CRTAM: variants seen among roughly 807,000 people sequenced by gnomAD.
The protein encoded by CRTAM is cytotoxic and regulatory T-cell molecule.
Under a neutral mutation model 50.0 loss-of-function variants are expected in CRTAM, and 44 were observed. The ratio of observed to expected loss-of-function variants is 0.88; its 90% CI spans 0.69 to 1.13. The LOEUF (loss-of-function observed/expected upper bound fraction) is 1.13, where lower values mean the gene tolerates loss of function less well. Among genes scored for constraint, CRTAM ranks in the 50% most tolerant of loss-of-function variants. The pLI is 0.00. For missense variants in CRTAM, 448 were observed against 457.5 expected (o/e 0.98, Z 0.19); for synonymous variants, 159 against 169.3 (o/e 0.94, Z 0.47).
chr11:122,852,353 G>A (rs781350875), intron 3 of CRTAM, among the ~76,000 whole-genome samples: 3 of 152,194 alleles, frequency 2.0e-5, no homozygotes, highest in Non-Finnish European at 4.4e-5. Context: ...GGGCGGGATT[G>A]GGAGGTGCGG....
At chr11:122,839,534 A>G (rs1380149302) in intron 1 of CRTAM, among the ~76,000 whole-genome samples, 1 of 152,210 alleles carries the variant, frequency 6.6e-6, no homozygotes, top group Non-Finnish European at 1.5e-5. Context: ...TTTAGTGCTT[A>G]ATCCTAATGT....
chr11:122,842,267 A>ATGTTTGTT (rs60959162), intron 1 of CRTAM, among the ~76,000 whole-genome samples: 4 of 151,932 alleles, frequency 2.6e-5, no homozygotes, highest in East Asian at 1.9e-4. Flanking sequence ...CATGGGTTAT[A>ATGTTTGTT]TGTTTGTTTG....
At chr11:122,866,212 G>A (rs1414543205) in intron 7 of CRTAM, among the ~76,000 whole-genome samples, 2 of 151,830 alleles carry the variant, frequency 1.3e-5, no homozygotes, top group Admixed American at 6.6e-5. Flanking sequence ...CTTTTCAATC[G>A]CCCTGCCCTT....
intron 1 of CRTAM, 99 bp downstream of exon 1, chr11:122,838,691 T>C (rs1861761721): frequency 2.7e-6 from 3 of 1,124,510 alleles, no homozygotes; most frequent in African/African-American, 3.0e-5. Context: ...GGAGCTGCTG[T>C]AGAAGACAAC....
chr11:122,865,879 C>A (rs1251024643), intron 7 of CRTAM, among the ~76,000 whole-genome samples: 2 of 152,172 alleles, frequency 1.3e-5, no homozygotes, highest in South Asian at 4.1e-4. Context: ...TAAAATCAGT[C>A]AATTTCCAAG....
At chr11:122,860,677 A>G (rs904377984) in intron 5 of CRTAM, among the ~76,000 whole-genome samples, 2 of 152,158 alleles carry the variant, frequency 1.3e-5, no homozygotes, top group African/African-American at 4.8e-5. Context: ...GATAAATTTT[A>G]TTCTATATGT....
intron 5 of CRTAM, among the ~76,000 whole-genome samples, chr11:122,858,519 C>T (rs932955345): frequency 9.2e-5 from 14 of 152,154 alleles, no homozygotes; most frequent in African/African-American, 3.4e-4. Flanking sequence ...CATGAACCAC[C>T]ACACCTGGCT....
rs58611588 is a variant in CRTAM at position 122,864,850 on chromosome 11, T to C, written c.817+131T>C. ...CTTTAGGACATGATTGGTTAATCAC[T>C]CCCTTGTCCCTCCTTGATTTAGTTA... On this transcript the variant is annotated intron_variant, in intron 7 of 9. Transcript: ENST00000227348. 4,770 of 639,338 alleles carry C rather than the reference T, an allele frequency of 7.5e-3. 146 individuals are homozygous for C. Among genetic ancestry groups the C allele is most frequent in the South Asian group, 0.053 (2,707 of 51,296 alleles). The allele number at this position is 639,338 out of a possible 1,614,324, so 39.6% of individuals were successfully genotyped here. A position where few individuals can be genotyped will look rare whatever the true frequency, so the allele number is the denominator to read the frequency against.
chr11:122,842,707 C>T (rs1181394531), intron 1 of CRTAM, among the ~76,000 whole-genome samples: 4 of 152,144 alleles, frequency 2.6e-5, no homozygotes, highest in African/African-American at 9.7e-5. Flanking sequence ...ACTAAGGCAG[C>T]AATAATAGTG....
chr11:122,863,321 A>AAAAGAAAGAAAGAAAG (rs137934573), intron 6 of CRTAM, among the ~76,000 whole-genome samples: 12 of 103,648 alleles, frequency 1.2e-4, no homozygotes, highest in East Asian at 6.5e-4. Flanking sequence ...GAAAGAAAGA[A>AAAAGAAAGAAAGAAAG]AAAGAAAGAA....
intron 9 of CRTAM, among the ~76,000 whole-genome samples, chr11:122,870,307 C>G (rs192450463): frequency 5.9e-5 from 9 of 152,132 alleles, no homozygotes; most frequent in East Asian, 1.9e-4. Context: ...TCTTGAACTC[C>G]TGGACTCAAG....
At position 122,850,095 on chromosome 11, in the gene CRTAM, C is replaced by T; in HGVS notation, c.74C>T (p.Thr25Ile). Residue 25 changes from threonine (T) to isoleucine (I), a missense_variant, in exon 2 of 10, where the codon ACC (threonine) becomes ATC (isoleucine). Coordinates refer to ENST00000227348, the MANE Select transcript of CRTAM (RefSeq NM_019604.4). ...QEASLTNHTE[T>I]ITVEEGQTLT... ...GCCTCTCTGACTAACCACACAGAAA[C>T]CATCACCGTGGAGGAAGGCCAGACG... The T allele has an allele frequency of 6.2e-7, 1 of 1,612,676 alleles. No individual in the cohort carries two copies. Among genetic ancestry groups the T allele is most frequent in the Non-Finnish European group, 8.5e-7 (1 of 1,179,286 alleles).
At chr11:122,867,203 C>T (rs1411052689) in intron 7 of CRTAM, among the ~76,000 whole-genome samples, 1 of 152,080 alleles carries the variant, frequency 6.6e-6, no homozygotes, top group Non-Finnish European at 1.5e-5. Flanking sequence ...ACATAATTGC[C>T]TTGTTTGTTG....
intron 4 of CRTAM, among the ~76,000 whole-genome samples, chr11:122,855,024 A>G (rs2135240893): frequency 6.6e-6 from 1 of 152,256 alleles, no homozygotes; most frequent in African/African-American, 2.4e-5. Flanking sequence ...ACTCACTGCA[A>G]CCTCTGCCTC....
rs115285438 is a variant in CRTAM at position 122,852,779 on chromosome 11, A to G, written c.346+934A>G. The stretch of plus-strand genomic sequence containing the variant: ...ATTGCTCTCAACACATAATCTTTTC[A>G]TTAACAGTTTAGGGGCTGAAGCCAC... On this transcript the variant is annotated intron_variant, in intron 3 of 9. Transcript: ENST00000227348. Among the ~76,000 whole-genome samples the G allele has an allele frequency of 7.8e-3, 1,181 of 152,268 alleles. 18 individuals carry two copies. The highest frequency in any genetic ancestry group is 0.027 in the African/African-American group (1,133 of 41,536).
intron 6 of CRTAM, among the ~76,000 whole-genome samples, chr11:122,864,321 T>C (rs1216100891): frequency 6.6e-6 from 1 of 152,230 alleles, no homozygotes; most frequent in Non-Finnish European, 1.5e-5. Context: ...GCTACAGGAC[T>C]TTAGGTACTT....
chr11:122,861,817 T>C (rs1166234903), intron 5 of CRTAM, among the ~76,000 whole-genome samples: 1 of 152,114 alleles, frequency 6.6e-6, no homozygotes, highest in African/African-American at 2.4e-5. Flanking sequence ...GTAAAACCTG[T>C]TCAATGACTG....
intron 5 of CRTAM, 168 bp from the exon 6 acceptor site, chr11:122,862,296 C>A: frequency 3.3e-6 from 2 of 610,706 alleles, no homozygotes; most frequent in Non-Finnish European, 5.9e-6. Context: ...CAGTGGGATA[C>A]AGATTCAAAA....
intron 2 of CRTAM, 50 bp from the exon 3 acceptor site, chr11:122,851,643 G>A (rs1375405096): frequency 1.0e-5 from 16 of 1,585,218 alleles, no homozygotes; most frequent in African/African-American, 1.3e-5. Flanking sequence ...AGAGGCCAAC[G>A]ATTCATCGGA....
Sources: gnomAD v4.1 joint callset for allele counts (sites outside exome capture counted in the v4.1 genomes callset) on GRCh38, gnomAD v4.1.1 for gene constraint, MANE v1.5 for transcripts, NCBI Gene and HGNC (gene_info 2026-07-23, HGNC 2026-07-21) for gene names.